Variants in MTCL1 observed in about 807,000 individuals in gnomAD.
The protein encoded by MTCL1 is microtubule cross-linking factor 1.
MTCL1 carries 79 observed loss-of-function variants against 141.4 expected under a neutral mutation model. The observed-to-expected ratio is 0.56, with a 90% confidence interval of 0.47 to 0.67. The LOEUF (loss-of-function observed/expected upper bound fraction) is 0.67, where lower values mean the gene tolerates loss of function less well. MTCL1 is among the 30% of genes least tolerant of loss of function. MTCL1 has a pLI of 0.00. For synonymous variants in MTCL1, 914 were observed against 875.8 expected (o/e 1.04, Z -0.77); for missense variants, 2,177 against 2,113.9 (o/e 1.03, Z -0.59).
chr18:8,715,084 C>T (rs1009551007), upstream of MTCL1, among the ~76,000 whole-genome samples: 2 of 152,326 alleles, frequency 1.3e-5, no homozygotes, highest in African/African-American at 2.4e-5. Flanking sequence ...GCGTGAGCCA[C>T]CGCACCCGGC....
At chr18:8,707,630 G>T (rs1302258708) in intron 1 of MTCL1, 2 of 152,532 alleles carry the variant, frequency 1.3e-5, no homozygotes, top group African/African-American at 4.8e-5. Flanking sequence ...GTGATCTTCA[G>T]GTTAGTAAAC....
chr18:8,786,151 G>A, intron 7 of MTCL1, 60 bp downstream of exon 6: 1 of 1,511,050 alleles, frequency 6.6e-7, no homozygotes, highest in Admixed American at 2.0e-5. Flanking sequence ...TGTGTGGCTG[G>A]CTGTGTGACG....
intron 8 of MTCL1, among the ~76,000 whole-genome samples, chr18:8,793,369 C>T (rs574386053): frequency 4.4e-5 from 4 of 90,574 alleles, no homozygotes; most frequent in East Asian, 4.2e-4. Flanking sequence ...TTCCTCATAC[C>T]TAATCTAAAC....
chr18:8,747,505 A>C (rs540927555), intron 4 of MTCL1, among the ~76,000 whole-genome samples: 2 of 151,608 alleles, frequency 1.3e-5, no homozygotes, highest in African/African-American at 4.8e-5. Context: ...TCATCACACA[A>C]CCTCTTCCCT....
chr18:8,711,504 C>A (rs2096092267), intron 1 of MTCL1, among the ~76,000 whole-genome samples: 2 of 141,042 alleles, frequency 1.4e-5, no homozygotes, highest in African/African-American at 5.3e-5. Context: ...ACAGTCCCAC[C>A]AACAGTGTAA....
chr18:8,733,923 C>G (rs1017838027), intron 4 of MTCL1, among the ~76,000 whole-genome samples: 1 of 152,030 alleles, frequency 6.6e-6, no homozygotes, highest in Admixed American at 6.5e-5. Context: ...TTGGATATGT[C>G]GTTTTTATCT....
chr18:8,724,493 T>C (rs2096194687), intron 4 of MTCL1, among the ~76,000 whole-genome samples: 1 of 152,200 alleles, frequency 6.6e-6, no homozygotes, highest in African/African-American at 2.4e-5. Flanking sequence ...AGACGAGTAT[T>C]TGAGAGCTGA....
intron 7 of MTCL1, among the ~76,000 whole-genome samples, chr18:8,789,999 T>C (rs757729716): frequency 6.6e-6 from 1 of 152,114 alleles, no homozygotes; most frequent in Non-Finnish European, 1.5e-5. Flanking sequence ...TTAGCAAAAA[T>C]GGACAATAAA....
At chr18:8,796,357 G>C in exon 9 of MTCL1, 1 of 1,614,196 alleles carries the variant, frequency 6.2e-7, no homozygotes. Flanking sequence ...AGGAGCTCCG[G>C]TCCTTGAAGC....
chr18:8,786,120 C>CCCAG (rs775582104), intron 7 of MTCL1, 29 bp downstream of exon 6: 3 of 1,345,732 alleles, frequency 2.2e-6, no homozygotes, highest in African/African-American at 3.2e-5. Context: ...TCCCCCCCCC[C>CCCAG]CGCCCTCCCC....
exon 17 of MTCL1, chr18:8,832,686 A>G (rs1238262805): frequency 6.6e-6 from 1 of 152,242 alleles, no homozygotes; most frequent in Non-Finnish European, 1.5e-5. Context: ...CACTACAAAA[A>G]GTCACAAGGA....
At chr18:8,751,914 G>A (rs142048416) in intron 4 of MTCL1, among the ~76,000 whole-genome samples, 91 of 152,324 alleles carry the variant, frequency 6.0e-4, no homozygotes, top group African/African-American at 2.1e-3. Context: ...GAAAAGAAAC[G>A]TTTAAGGCCA....
At position 8,776,722 on chromosome 18, in the gene MTCL1, GTTA is replaced by G. The variant is rs1308565434; in HGVS notation, c.358-1108_358-1106del. Among the ~76,000 whole-genome samples the G allele has an allele frequency of 7.1e-3, 1,012 of 142,770 alleles. 11 individuals carry two copies. The highest frequency in any genetic ancestry group is 0.024 in the African/African-American group (930 of 39,104). 93.7% of individuals were successfully genotyped at this position (142,770 alleles called of 152,430 possible). A position where few individuals can be genotyped will look rare whatever the true frequency, so the allele number is the denominator to read the frequency against. ...TTATCTGGCCACTCAGGAAACACTAGTTATTTATTTATTTATTTATTTATTTAT... is the reference window on the plus strand; with the variant it reads ...TTATCTGGCCACTCAGGAAACACTAGTTTATTTATTTATTTATTTATTTAT... On this transcript the variant is annotated intron_variant, in intron 4 of 16. Coordinates refer to ENST00000359865, the Ensembl canonical transcript of MTCL1.
At chr18:8,815,943 A>T (rs2076641864) in intron 12 of MTCL1, among the ~76,000 whole-genome samples, 1 of 152,226 alleles carries the variant, frequency 6.6e-6, no homozygotes, top group South Asian at 2.1e-4. Flanking sequence ...GATTGGTTAC[A>T]AATGAACTGA....
intron 7 of MTCL1, among the ~76,000 whole-genome samples, chr18:8,791,893 C>T (rs1283372224): frequency 1.3e-5 from 2 of 152,004 alleles, no homozygotes; most frequent in African/African-American, 4.8e-5. Flanking sequence ...CTTGGTGAAT[C>T]CCCAGTGTCT....
intron 8 of MTCL1, among the ~76,000 whole-genome samples, 155 bp downstream of exon 7, chr18:8,793,275 CCT>C (rs2075801872): frequency 6.6e-6 from 1 of 152,196 alleles, no homozygotes; most frequent in Non-Finnish European, 1.5e-5. Flanking sequence ...CAAGCTGTCC[CCT>C]CTCAGACACC....
intron 1 of MTCL1, among the ~76,000 whole-genome samples, chr18:8,711,785 T>C (rs1352692038): frequency 1.3e-5 from 2 of 151,972 alleles, no homozygotes; most frequent in Non-Finnish European, 2.9e-5. Flanking sequence ...AGATTCTGGA[T>C]ATTAGCCCTT....
At chr18:8,820,277 G>A (rs2076800061) in intron 13 of MTCL1, among the ~76,000 whole-genome samples, 1 of 152,072 alleles carries the variant, frequency 6.6e-6, no homozygotes, top group Non-Finnish European at 1.5e-5. Flanking sequence ...AGGCGTGGTG[G>A]CGGGTGCCTG....
At position 8,830,645 on chromosome 18, in the gene MTCL1, T is replaced by C. The variant is rs1259094759; in HGVS notation, c.*19-962T>C. 1.0e-6 allele frequency: 1 copy of C among 985,718 alleles called. No individual in the cohort carries two copies. The highest frequency in any genetic ancestry group is 1.1e-4 in the East Asian group (1 of 8,826). The allele number at this position is 985,718 out of a possible 1,614,324, so 61.1% of individuals were successfully genotyped here. ...TTTCTTTGAGGGTCCTTGTTCTCTGTCATCCTTCCTGTGCCTTCCATTCAG... is the reference window on the plus strand; with the variant it reads ...TTTCTTTGAGGGTCCTTGTTCTCTGCCATCCTTCCTGTGCCTTCCATTCAG... On this transcript the variant is annotated intron_variant, in intron 16 of 16. Coordinates refer to ENST00000359865, the Ensembl canonical transcript of MTCL1. The surrounding 1 kb of genome is among the most constrained non-coding windows in gnomAD (Gnocchi z 6.4).
Sources: allele counts gnomAD v4.1 joint callset (sites outside exome capture counted in the v4.1 genomes callset), GRCh38; gene constraint gnomAD v4.1.1; non-coding constraint Gnocchi (gnomAD v3.1); transcripts MANE v1.5; gene names NCBI Gene and HGNC (gene_info 2026-07-23, HGNC 2026-07-21).